PCDHGB2: variants seen among roughly 807,000 people sequenced by gnomAD.
PCDHGB2 encodes the protein protocadherin gamma subfamily B, 2, also known as protocadherin gamma-B2.
A neutral mutation model predicts 59.3 loss-of-function variants in PCDHGB2; 55 were observed. The ratio of observed to expected loss-of-function variants is 0.93; its 90% CI spans 0.75 to 1.16. The LOEUF is 1.16. PCDHGB2 is among the 50% of genes most tolerant of loss of function. The pLI, the probability that PCDHGB2 is intolerant of heterozygous loss-of-function variation, is 0.00. For synonymous variants in PCDHGB2, 516 were observed against 512.0 expected, an observed-to-expected ratio of 1.01 and a Z score of -0.11; for missense variants, 1,228 against 1,198.5, an observed-to-expected ratio of 1.02 and a Z score of -0.36.
intron 3 of PCDHGB2, among the ~76,000 whole-genome samples, chr5:141,506,877 G>A (rs998146154): frequency 1.3e-5 from 2 of 152,142 alleles, no homozygotes; most frequent in Non-Finnish European, 2.9e-5. Flanking sequence ...AGAGAACCAG[G>A]TGAAATCACA....
At chr5:141,408,164 A>C (rs2095051548) in intron 1 of PCDHGB2, 1 of 1,520,458 alleles carries the variant, frequency 6.6e-7, no homozygotes, top group African/African-American at 1.4e-5. Context: ...ACTTTCTCCA[A>C]CTGGAAAAGC....
At chr5:141,381,850 G>T (rs1777668389) in intron 1 of PCDHGB2, among the ~76,000 whole-genome samples, 3 of 33,314 alleles carry the variant, frequency 9.0e-5, no homozygotes, top group Non-Finnish European at 5.3e-5. Flanking sequence ...TTTTTTTTTG[G>T]CAGAGTTTTG....
At chr5:141,396,821 G>A (rs934244827) in intron 1 of PCDHGB2, among the ~76,000 whole-genome samples, 5 of 152,314 alleles carry the variant, frequency 3.3e-5, no homozygotes, top group Middle Eastern at 3.4e-3. Context: ...ACTGTATGGT[G>A]CATATTCAGT....
intron 1 of PCDHGB2, chr5:141,389,364 C>T: frequency 1.2e-6 from 2 of 1,613,854 alleles, no homozygotes; most frequent in Non-Finnish European, 1.7e-6. Context: ...GGCCAGTGAC[C>T]TGGAGCAGCG....
intron 1 of PCDHGB2, among the ~76,000 whole-genome samples, chr5:141,494,039 G>A (rs901795348): frequency 2.0e-5 from 3 of 152,144 alleles, no homozygotes; most frequent in Non-Finnish European, 4.4e-5. Context: ...GACTTAGTTG[G>A]CCCTGCTTGG....
chr5:141,364,365 A>G, intron 1 of PCDHGB2: 3 of 1,562,826 alleles, frequency 1.9e-6, no homozygotes, highest in Non-Finnish European at 2.6e-6. Context: ...GGCTGCGGAG[A>G]GCTGCTGCTG....
In PCDHGB2 at chr5:141,362,031, G is replaced by A; in HGVS notation, c.1896G>A (p.Leu632=). The A allele has an allele frequency of 6.2e-7, 1 of 1,609,386 alleles. No homozygotes were observed. The highest frequency in any genetic ancestry group is 8.5e-7 in the Non-Finnish European group (1 of 1,179,252). ...GTGAGGTGCGCACAGCGCGTGCCTT[G>A]GGCGACAGGGACGCGGCCCGCCAGC... is the stretch of plus-strand genomic sequence containing the variant. The part of the protein sequence containing the change: ...RTGEVRTARA[L]GDRDAARQRL... The change falls in exon 1 of 4, where the codon TTG becomes TTA. Residue 632 remains leucine, a synonymous_variant. Transcript: ENST00000522605.
At position 141,485,675 on chromosome 5, in the gene PCDHGB2, A is replaced by C. The variant is rs1562106929; in HGVS notation, c.2422-9132A>C. 6.2e-7 allele frequency: 1 copy of C among 1,613,068 alleles called. No homozygotes were observed. The highest frequency in any genetic ancestry group is 8.5e-7 in the Non-Finnish European group (1 of 1,179,150). On this transcript the variant is annotated intron_variant, in intron 1 of 3. Coordinates refer to ENST00000522605, the MANE Select transcript of PCDHGB2 (RefSeq NM_018923.3). The surrounding 1 kb of genome is among the most constrained non-coding windows in gnomAD (Gnocchi z 5.7). ...TGCAGATGTGGGGAGCAATTCGATT[A>C]GCAGCTATAGGCTGAGCTCCAATGA...
chr5:141,469,573 CTAAA>C (rs1209972534), intron 1 of PCDHGB2, among the ~76,000 whole-genome samples: 2 of 151,554 alleles, frequency 1.3e-5, no homozygotes, highest in Non-Finnish European at 2.9e-5. Flanking sequence ...GACTCTGTCT[CTAAA>C]TAAATAAATA....
intron 1 of PCDHGB2, chr5:141,384,884 T>C (rs759644846): frequency 6.2e-7 from 1 of 1,613,846 alleles, no homozygotes; most frequent in East Asian, 2.2e-5. Context: ...ACACTCACCG[T>C]GGCTGTGGCT....
At chr5:141,374,679 C>CAAGT (rs755200801) in intron 1 of PCDHGB2, 1 of 1,610,324 alleles carries the variant, frequency 6.2e-7, no homozygotes, top group Admixed American at 1.7e-5. Context: ...CTGGAGGGCA[C>CAAGT]ACTGGACCGG....
rs1590066119 is a variant in PCDHGB2, at chr5:141,417,816, C to G, written c.2421+55260C>G. On this transcript the variant is annotated intron_variant, in intron 1 of 3. Transcript: ENST00000522605. ...CTTTTAGCGCGGTAGAGTGCACTTT[C>G]TCCAACTGGAAAAGCGGGGACCCAG... is the stretch of plus-strand genomic sequence containing the variant. 3 of 1,511,044 alleles carry G rather than the reference C, an allele frequency of 2.0e-6. No homozygotes were observed. The East Asian group carries it at 7.4e-5, about 37-fold the overall frequency. 93.6% of individuals were successfully genotyped at this position (1,511,044 alleles called of 1,614,324 possible).
intron 1 of PCDHGB2, chr5:141,372,771 A>G: frequency 6.2e-7 from 1 of 1,610,980 alleles, no homozygotes. Context: ...AAGTAATGAC[A>G]ATCCAGAAAT....
At position 141,366,659 on chromosome 5, in the gene PCDHGB2, G is replaced by A. The variant is rs757940050; in HGVS notation, c.2421+4103G>A. The A allele has an allele frequency of 1.1e-5, 17 of 1,614,250 alleles. No homozygotes were observed. The Admixed American group carries it at 1.5e-4, about 14-fold the overall frequency. On this transcript the variant is annotated intron_variant, in intron 1 of 3. Coordinates refer to ENST00000522605, the MANE Select transcript of PCDHGB2 (RefSeq NM_018923.3). The stretch of plus-strand genomic sequence containing the variant: ...GATCTTTCCCCAGCCCAACTACGCA[G>A]ACACGCTCCTTAGTGAAGAGAGCTG...
intron 1 of PCDHGB2, chr5:141,374,317 T>C: frequency 1.2e-6 from 2 of 1,613,982 alleles, no homozygotes; most frequent in East Asian, 2.2e-5. Context: ...TCTCTCTGAA[T>C]CCGCGAAACG....
At chr5:141,366,019 G>T in intron 1 of PCDHGB2, 2 of 1,614,226 alleles carry the variant, frequency 1.2e-6, no homozygotes, top group South Asian at 2.2e-5. Flanking sequence ...CTGAGATCCT[G>T]TACCCCGCCC....
chr5:141,477,970 T>G lies in PCDHGB2; in HGVS notation c.2422-16837T>G. ...TCTTGGGATCCCCTAACCAGAGCCTTTTTGCCATAGGGCTGCACACTGGTC... is the reference window on the plus strand; with the variant it reads ...TCTTGGGATCCCCTAACCAGAGCCTGTTTGCCATAGGGCTGCACACTGGTC... On this transcript the variant is annotated intron_variant, in intron 1 of 3. Coordinates refer to ENST00000522605, the MANE Select transcript of PCDHGB2 (RefSeq NM_018923.3). This position sits in a 1 kb window ranked among gnomAD's most constrained non-coding sequence, Gnocchi z 4.9. 1 of 1,614,090 alleles carries G rather than the reference T, an allele frequency of 6.2e-7. No homozygotes were observed. The highest frequency in any genetic ancestry group is 8.5e-7 in the Non-Finnish European group (1 of 1,180,002).
chr5:141,437,156 G>T (rs2097864365), intron 1 of PCDHGB2, among the ~76,000 whole-genome samples: 1 of 152,172 alleles, frequency 6.6e-6, no homozygotes, highest in African/African-American at 2.4e-5. Context: ...TAACATATGT[G>T]TTGATTGTTT....
In PCDHGB2 at chr5:141,362,346, TG is replaced by T. The variant is rs759838965; in HGVS notation, c.2215del (p.Val739PhefsTer30). 3 of 1,614,088 alleles carry T rather than the reference TG, an allele frequency of 1.9e-6. No homozygotes were observed. The highest frequency in any genetic ancestry group is 2.5e-6 in the Non-Finnish European group (3 of 1,179,906). ...QPGLSSKPGP[G>X]VLPNYSEGTL... ...CTGGTCTCAGCTCCAAGCCTGGACC[TG>T]GGGTTCTCCCCAATTACAGTGAGGG... On this transcript the variant is annotated frameshift_variant, in exon 1 of 4. Coordinates refer to ENST00000522605, the MANE Select transcript of PCDHGB2 (RefSeq NM_018923.3). LOFTEE classifies it high-confidence loss of function.
Sources: allele counts gnomAD v4.1 joint callset (sites outside exome capture counted in the v4.1 genomes callset), GRCh38; gene constraint gnomAD v4.1.1; non-coding constraint Gnocchi (gnomAD v3.1); transcripts MANE v1.5; gene names NCBI Gene and HGNC (gene_info 2026-07-23, HGNC 2026-07-21).